BCAM: variants seen among roughly 807,000 people sequenced by gnomAD.
BCAM encodes basal cell adhesion molecule.
In BCAM, 61 loss-of-function variants were observed where a neutral mutation model predicts 72.4. That is an observed-to-expected ratio of 0.84 (90% confidence interval 0.69 to 1.04). The LOEUF is 1.04. Among genes scored for constraint, BCAM ranks in the 50% least tolerant of loss-of-function variants. The pLI, the probability that BCAM is intolerant of heterozygous loss-of-function variation, is 0.00. For synonymous variants in BCAM, 408 were observed against 384.2 expected, an observed-to-expected ratio of 1.06 and a Z score of -0.73; for missense variants, 909 against 895.0, an observed-to-expected ratio of 1.02 and a Z score of -0.20.
chr19:44,813,363 C>A lies in BCAM; in HGVS notation c.601+17C>A. 6.2e-7 allele frequency: 1 copy of A among 1,611,712 alleles called. No homozygotes were observed. The highest frequency in any genetic ancestry group is 8.5e-7 in the Non-Finnish European group (1 of 1,178,712). Reference sequence around the variant, plus strand: ...TGAACCCAGGTGAGCAGCGCAGGAGCGCGGCGGGACGTGGGCTGGGGTGGG... The same window carrying A: ...TGAACCCAGGTGAGCAGCGCAGGAGAGCGGCGGGACGTGGGCTGGGGTGGG... On this transcript the variant is annotated intron_variant, in intron 5 of 14. Coordinates refer to ENST00000270233, the MANE Select transcript of BCAM (RefSeq NM_005581.5). This position sits in a 1 kb window ranked among gnomAD's most constrained non-coding sequence, Gnocchi z 4.2.
Position 44,813,420 on chromosome 19 carries a change from T to G in BCAM, c.602-18T>G, listed in dbSNP as rs773757506. ...GGCTATGGCCTGGCTGACTGCCACC[T>G]CCCCCGATCTCTCCCAGAGGGCTAC... On this transcript the variant is annotated intron_variant, in intron 5 of 14. Transcript: ENST00000270233. The surrounding 1 kb of genome is among the most constrained non-coding windows in gnomAD (Gnocchi z 4.2). The G allele has an allele frequency of 1.0e-4, 166 of 1,606,726 alleles. No homozygotes were observed. Among genetic ancestry groups the G allele is most frequent in the Non-Finnish European group, 1.4e-4 (163 of 1,176,514 alleles).
In BCAM at chr19:44,812,233, T is replaced by G; in HGVS notation, c.275T>G (p.Met92Arg). 1 of 1,608,254 alleles carries G rather than the reference T, an allele frequency of 6.2e-7. No homozygotes were observed. The highest frequency in any genetic ancestry group is 8.5e-7 in the Non-Finnish European group (1 of 1,177,892). The change falls in exon 3 of 15, where the codon ATG becomes AGG. Residue 92 changes from methionine (M) to arginine (R), a missense_variant. Transcript: ENST00000270233. This position sits in a 1 kb window ranked among gnomAD's most constrained non-coding sequence, Gnocchi z 5.3. ...CAGGGCTCTGAGCTCCAGGTCACAA[T>G]GCACGACACCCGGGGCCGCAGTCCC... ...EMQGSELQVTMHDTRGRSPPY... is the reference protein window; with the variant it reads ...EMQGSELQVTRHDTRGRSPPY...
chr19:44,820,346 C>G lies in BCAM; in HGVS notation c.1764-359C>G, dbSNP rs186350778. On this transcript the variant is annotated intron_variant, in intron 13 of 14. Transcript: ENST00000270233. ...CCCATCCCCAATCTTGTCCCCATTCCTGACTCCAAATCCAACCCCTAAGCC... is the reference window on the plus strand; with the variant it reads ...CCCATCCCCAATCTTGTCCCCATTCGTGACTCCAAATCCAACCCCTAAGCC... 28 of 1,075,946 alleles carry G rather than the reference C, an allele frequency of 2.6e-5. No homozygotes were observed. In the African/African-American group the frequency reaches 4.3e-4, roughly 17 times the overall value. The allele number at this position is 1,075,946 out of a possible 1,614,324, so 66.6% of individuals were successfully genotyped here.
In BCAM at chr19:44,819,365, G is replaced by C; in HGVS notation, c.1493G>C (p.Gly498Ala). The C allele has an allele frequency of 6.2e-7, 1 of 1,614,052 alleles. No individual in the cohort carries two copies. The highest frequency in any genetic ancestry group is 8.5e-7 in the Non-Finnish European group (1 of 1,179,952). Residue 498 changes from glycine to alanine, a missense_variant, in exon 12 of 15, where the codon GGA (glycine) becomes GCA (alanine). Physicochemically the swap from Gly to Ala is moderately conservative, Grantham distance 60 (BLOSUM62 0). Coordinates refer to ENST00000270233, the MANE Select transcript of BCAM (RefSeq NM_005581.5). ...CCATAGCCCGCAGAGCCAATCCCCGGACGGCAGGGTTGGGTGAGCAGCTCT... is the reference window on the plus strand; with the variant it reads ...CCATAGCCCGCAGAGCCAATCCCCGCACGGCAGGGTTGGGTGAGCAGCTCT... ...LGGSPAEPIP[G>A]RQGWVSSSLT... is the part of the protein sequence containing the mutation.
At chr19:44,815,245 C>A (rs1968489663) in intron 8 of BCAM, among the ~76,000 whole-genome samples, 1 of 152,184 alleles carries the variant, frequency 6.6e-6, no homozygotes. Flanking sequence ...CCTACCTTCA[C>A]TGCCCATCCT....
In BCAM at chr19:44,821,217, C is replaced by T. The variant is rs1021488925; in HGVS notation, c.*296C>T. On this transcript the variant is annotated 3_prime_UTR_variant, in exon 15 of 15. Coordinates refer to ENST00000270233, the MANE Select transcript of BCAM (RefSeq NM_005581.5). ...CAAGGCCCAGCCTGGGACAAGGCTC[C>T]GAGGGTCGGCTGGCCGGAGCTATTT... 5 of 379,814 alleles carry T rather than the reference C, an allele frequency of 1.3e-5. No individual in the cohort carries two copies. The highest frequency in any genetic ancestry group is 9.9e-5 in the South Asian group (1 of 10,086). The allele number at this position is 379,814 out of a possible 1,614,324, so 23.5% of individuals were successfully genotyped here.
In BCAM at chr19:44,812,960, A is replaced by G; in HGVS notation, c.505-290A>G. 2.3e-6 allele frequency: 1 copy of G among 437,914 alleles called. No individual in the cohort carries two copies. 27.1% of individuals were successfully genotyped at this position (437,914 alleles called of 1,614,324 possible). A position where few individuals can be genotyped will look rare whatever the true frequency, so the allele number is the denominator to read the frequency against. On this transcript the variant is annotated intron_variant, in intron 4 of 14. Transcript: ENST00000270233. This position sits in a 1 kb window ranked among gnomAD's most constrained non-coding sequence, Gnocchi z 5.3. The stretch of plus-strand genomic sequence containing the variant: ...GCAATACTCCGTCTCAAAAAAAAAA[A>G]AAAAAAGAAGAAGAAAAGAAAAAAG...
In BCAM at chr19:44,811,309, C is replaced by T. The variant is rs771463752; in HGVS notation, c.167C>T (p.Thr56Met). The change falls in exon 2 of 15, where the codon ACG becomes ATG. Residue 56 changes from threonine (T) to methionine (M), a missense_variant. Coordinates refer to ENST00000270233, the MANE Select transcript of BCAM (RefSeq NM_005581.5). ...GKSVILDCTP[T>M]GTHDHYMLEW... The stretch of plus-strand genomic sequence containing the variant: ...TCTGTCATTCTGGACTGCACCCCTA[C>T]GGGAACCCACGACCATTATATGCTG... 102 of 1,613,470 alleles carry T rather than the reference C, an allele frequency of 6.3e-5. No homozygotes were observed. Among genetic ancestry groups the T allele is most frequent in the Non-Finnish European group, 7.6e-5 (90 of 1,179,860 alleles).
Position 44,820,995 on chromosome 19 carries a change from G to A in BCAM, c.*74G>A. On this transcript the variant is annotated 3_prime_UTR_variant, in exon 15 of 15. Transcript: ENST00000270233. ...AGAGAACCAGCCCTGCTCACGCCATGCCCGCCCCCGCCTTCCCTCTTCCCT... is the reference window on the plus strand; with the variant it reads ...AGAGAACCAGCCCTGCTCACGCCATACCCGCCCCCGCCTTCCCTCTTCCCT... 2 of 1,447,964 alleles carry A rather than the reference G, an allele frequency of 1.4e-6. 1 individual carries two copies. The highest frequency in any genetic ancestry group is 5.3e-5 in the Admixed American group (2 of 37,860). 89.7% of individuals were successfully genotyped at this position (1,447,964 alleles called of 1,614,324 possible). A position where few individuals can be genotyped will look rare whatever the true frequency, so the allele number is the denominator to read the frequency against.
Position 44,820,941 on chromosome 19 carries a change from C to A in BCAM, c.*20C>A, listed in dbSNP as rs372438582. On this transcript the variant is annotated 3_prime_UTR_variant, in exon 15 of 15. Transcript: ENST00000270233. ...TGCTGAGCCAAGAACCTCCTAGAGGCTGTCCCTGGACCTGGAGCTGCAGGC... is the reference window on the plus strand; with the variant it reads ...TGCTGAGCCAAGAACCTCCTAGAGGATGTCCCTGGACCTGGAGCTGCAGGC... 35 of 1,555,582 alleles carry A rather than the reference C, an allele frequency of 2.2e-5. No homozygotes were observed. The African/African-American group carries it at 4.4e-4, about 19-fold the overall frequency.
rs758062093 is a variant in BCAM, at chr19:44,812,449, G to A, written c.434-29G>A. On this transcript the variant is annotated intron_variant, in intron 3 of 14. Coordinates refer to ENST00000270233, the MANE Select transcript of BCAM (RefSeq NM_005581.5). The surrounding 1 kb of genome is among the most constrained non-coding windows in gnomAD (Gnocchi z 5.3). ...CAGGCAGGGAGGGGCGCAGGGCAGG[G>A]GCTCCTGACGTGAACGTCTTTTTCA... 3.7e-6 allele frequency: 6 copies of A among 1,614,100 alleles called. No individual in the cohort carries two copies. In the Admixed American group the frequency reaches 5.0e-5, roughly 13 times the overall value.
rs201303886 is a variant in BCAM, at chr19:44,819,680, C to T, written c.1717C>T (p.Arg573Cys). 137 of 1,612,818 alleles carry T rather than the reference C, an allele frequency of 8.5e-5. No homozygotes were observed. In the Admixed American group the frequency reaches 1.2e-3, roughly 14 times the overall value. Residue 573 changes from arginine (R) to cysteine (C), a missense_variant, in exon 13 of 15, where the codon CGC (arginine) becomes TGC (cysteine). Physicochemically the swap from Arg to Cys is radical, Grantham distance 180. Transcript: ENST00000270233. ...LVVAVFYCVRRKGGPCCRQRR... is the reference protein window; with the variant it reads ...LVVAVFYCVRCKGGPCCRQRR... Reference sequence around the variant, plus strand: ...CGTTGCTGTCTTCTACTGCGTGAGACGCAAAGGGGGCCCCTGCTGCCGCCA... The same window carrying T: ...CGTTGCTGTCTTCTACTGCGTGAGATGCAAAGGGGGCCCCTGCTGCCGCCA...
In BCAM at chr19:44,813,547, C is replaced by T. The variant is rs3810141; in HGVS notation, c.711C>T (p.Cys237=). 0.069 allele frequency: 111,763 copies of T among 1,612,474 alleles called. 4,877 individuals carry two copies. Among genetic ancestry groups the T allele is most frequent in the South Asian group, 0.18 (16,203 of 91,074 alleles). ...RKDDRDASFH[C]AAHYSLPEGR... The stretch of plus-strand genomic sequence containing the variant: ...ATGACCGAGACGCCAGCTTCCACTG[C>T]GCCGCCCACTACAGCCTGCCCGAGG... Residue 237 remains cysteine (C), a synonymous_variant, in exon 6 of 15, where the codon TGC becomes TGT. Coordinates refer to ENST00000270233, the MANE Select transcript of BCAM (RefSeq NM_005581.5). The surrounding 1 kb of genome is among the most constrained non-coding windows in gnomAD (Gnocchi z 4.2).
rs1968439157 is a variant in BCAM at position 44,812,518 on chromosome 19, ACTGT to A, written c.479_482del (p.Ser160Ter). ...CTGAGGTCTCCCCCAACAAAGGGAC[ACTGT>A]CTGTGATGGAGGACTCTGCCCAGGA... On this transcript the variant is annotated frameshift_variant, in exon 4 of 15. Coordinates refer to ENST00000270233, the MANE Select transcript of BCAM (RefSeq NM_005581.5). LOFTEE classifies it high-confidence loss of function. The surrounding 1 kb of genome is among the most constrained non-coding windows in gnomAD (Gnocchi z 5.3). 2 of 1,614,166 alleles carry A rather than the reference ACTGT, an allele frequency of 1.2e-6. No homozygotes were observed. The highest frequency in any genetic ancestry group is 1.7e-6 in the Non-Finnish European group (2 of 1,180,024).
chr19:44,814,138 T>C lies in BCAM; in HGVS notation c.785-14T>C. ...CCCCTGATCACAATTCCCATCTCCC[T>C]GCCCTTCCCTTAGATCCCACGGAGC... On this transcript the variant is annotated splice_polypyrimidine_tract_variant and intron_variant, in intron 6 of 14. Transcript: ENST00000270233. This position sits in a 1 kb window ranked among gnomAD's most constrained non-coding sequence, Gnocchi z 4.6. 8 of 1,574,232 alleles carry C rather than the reference T, an allele frequency of 5.1e-6. No individual in the cohort carries two copies. The highest frequency in any genetic ancestry group is 1.1e-5 in the South Asian group (1 of 87,482).
chr19:44,820,915 G>A lies in BCAM; in HGVS notation c.1882-1G>A, dbSNP rs777334414. The A allele has an allele frequency of 1.3e-6, 2 of 1,562,830 alleles. No homozygotes were observed. The highest frequency in any genetic ancestry group is 1.2e-5 in the South Asian group (1 of 84,608). On this transcript the variant is annotated splice_acceptor_variant, in intron 14 of 14. Coordinates refer to ENST00000270233, the MANE Select transcript of BCAM (RefSeq NM_005581.5). LOFTEE classifies it high-confidence loss of function. ...GGCTGACCTCTCCATCCGCTCCCCA[G>A]TGCTGAGCCAAGAACCTCCTAGAGG...
In BCAM at chr19:44,812,372, TGCG is replaced by T. The variant is rs1407089734; in HGVS notation, c.415_417del (p.Ala139del). On this transcript the variant is annotated inframe_deletion, in exon 3 of 15. Coordinates refer to ENST00000270233, the MANE Select transcript of BCAM (RefSeq NM_005581.5). The surrounding 1 kb of genome is among the most constrained non-coding windows in gnomAD (Gnocchi z 5.3). ...GGGCGGCAGGCACTGCTGAGGCCAC[TGCG>T]CGGCTCAACGTGTTTGGTAAGTGTC... 3.1e-6 allele frequency: 5 copies of T among 1,613,858 alleles called. No homozygotes were observed. Among genetic ancestry groups the T allele is most frequent in the Non-Finnish European group, 4.2e-6 (5 of 1,179,934 alleles).
chr19:44,811,138 A>G lies in BCAM; in HGVS notation c.83-87A>G, dbSNP rs28399651. On this transcript the variant is annotated intron_variant, in intron 1 of 14. Coordinates refer to ENST00000270233, the MANE Select transcript of BCAM (RefSeq NM_005581.5). The stretch of plus-strand genomic sequence containing the variant: ...TGAGGGAGGAGGGGCTGGGACCTGG[A>G]CGCTTGTGTCCTGGGGGAGAGGGGA... The G allele has an allele frequency of 1.9e-6, 3 of 1,593,490 alleles. No individual in the cohort carries two copies. The East Asian group carries it at 6.7e-5, about 36-fold the overall frequency.
rs1968468237 is a variant in BCAM at position 44,814,059 on chromosome 19, C to T, written c.785-93C>T. 6.9e-7 allele frequency: 1 copy of T among 1,442,024 alleles called. No homozygotes were observed. The allele number at this position is 1,442,024 out of a possible 1,614,324, so 89.3% of individuals were successfully genotyped here. A position where few individuals can be genotyped will look rare whatever the true frequency, so the allele number is the denominator to read the frequency against. On this transcript the variant is annotated intron_variant, in intron 6 of 14. Coordinates refer to ENST00000270233, the MANE Select transcript of BCAM (RefSeq NM_005581.5). The surrounding 1 kb of genome is among the most constrained non-coding windows in gnomAD (Gnocchi z 4.6). Reference sequence around the variant, plus strand: ...ACCCGTAACCTTTGACCCGCCATAGCCCTCACCTGGGATGCAGGGCTGACC... The same window carrying T: ...ACCCGTAACCTTTGACCCGCCATAGTCCTCACCTGGGATGCAGGGCTGACC...
Sources: allele counts gnomAD v4.1 joint callset (sites outside exome capture counted in the v4.1 genomes callset), GRCh38; gene constraint gnomAD v4.1.1; non-coding constraint Gnocchi (gnomAD v3.1); transcripts MANE v1.5; gene names NCBI Gene and HGNC (gene_info 2026-07-23, HGNC 2026-07-21).